Variants in RORA observed in about 807,000 individuals in gnomAD.
RORA encodes the protein nuclear receptor ROR-alpha.
RORA carries 7 observed loss-of-function variants against 69.5 expected under a neutral mutation model. That is an observed-to-expected ratio of 0.10 (90% CI 0.06 to 0.19). The LOEUF (loss-of-function observed/expected upper bound fraction) is 0.19, where lower values mean the gene tolerates loss of function less well. Among genes scored for constraint, RORA ranks in the 10% least tolerant of loss-of-function variants. The pLI, the probability that RORA is intolerant of heterozygous loss-of-function variation, is 1.00. For missense variants in RORA, 457 were observed against 663.0 expected, an observed-to-expected ratio of 0.69 and a Z score of 3.41; for synonymous variants, 261 against 240.8, an observed-to-expected ratio of 1.08 and a Z score of -0.78.
In RORA at chr15:60,501,079, T is replaced by C. The variant is rs773384613; in HGVS notation, c.1184-10A>G. 3 of 1,476,018 alleles carry C rather than the reference T, an allele frequency of 2.0e-6. No individual in the cohort carries two copies. The highest frequency in any genetic ancestry group is 2.3e-5 in the South Asian group (2 of 85,172). 91.4% of individuals were successfully genotyped at this position (1,476,018 alleles called of 1,614,324 possible). A position where few individuals can be genotyped will look rare whatever the true frequency, so the allele number is the denominator to read the frequency against. On this transcript the variant is annotated splice_polypyrimidine_tract_variant and intron_variant, in intron 8 of 10. Coordinates refer to ENST00000335670, the MANE Select transcript of RORA (RefSeq NM_134261.3). ...ATAAAGTCTTCACAACCTGCCAAAA[T>C]GAAAACAAAGACAGTTTAGAATTTT...
intron 9 of RORA, among the ~76,000 whole-genome samples, 188 bp from the exon 10 acceptor site, chr15:60,500,192 G>A (rs1478741391): frequency 1.3e-5 from 2 of 151,812 alleles, no homozygotes; most frequent in Admixed American, 6.6e-5. Flanking sequence ...TATAAAACAG[G>A]GTGTTAAACC....
At chr15:60,728,881 A>C (rs1219286887) in intron 1 of RORA, among the ~76,000 whole-genome samples, 1 of 152,232 alleles carries the variant, frequency 6.6e-6, no homozygotes, top group Non-Finnish European at 1.5e-5. Context: ...AGATTTTTAA[A>C]AACTTTATAC....
At chr15:60,955,303 AAAAC>A (rs774731838) in intron 1 of RORA, among the ~76,000 whole-genome samples, 6 of 152,342 alleles carry the variant, frequency 3.9e-5, no homozygotes, top group Non-Finnish European at 5.9e-5. Context: ...CTCCATCTCA[AAAAC>A]AAACAAACAA....
intron 1 of RORA, among the ~76,000 whole-genome samples, chr15:60,940,922 T>A (rs1595831976): frequency 6.6e-6 from 1 of 152,142 alleles, no homozygotes; most frequent in South Asian, 2.1e-4. Context: ...TGAGACTCTG[T>A]CTCTAAATAA....
chr15:60,922,440 T>C (rs1488691822), intron 1 of RORA, among the ~76,000 whole-genome samples: 2 of 152,206 alleles, frequency 1.3e-5, no homozygotes, highest in African/African-American at 4.8e-5. Context: ...GTAATTTCTG[T>C]TCAATCTTTC....
intron 2 of RORA, among the ~76,000 whole-genome samples, chr15:60,550,183 C>T (rs1423584684): frequency 3.9e-5 from 6 of 152,118 alleles, no homozygotes; most frequent in South Asian, 2.1e-4. Context: ...CCCAGCTACT[C>T]GGGAGGCTGA....
At chr15:60,797,571 G>A (rs1195897315) in intron 1 of RORA, among the ~76,000 whole-genome samples, 1 of 152,104 alleles carries the variant, frequency 6.6e-6, no homozygotes, top group African/African-American at 2.4e-5. Flanking sequence ...ATTAGTTCTG[G>A]CAGAGTTTAC....
chr15:60,825,690 C>T (rs1268606247), intron 1 of RORA, among the ~76,000 whole-genome samples: 1 of 152,190 alleles, frequency 6.6e-6, no homozygotes, highest in East Asian at 1.9e-4. Context: ...GAACTGGTAC[C>T]CCAGCAGCCT....
intron 1 of RORA, among the ~76,000 whole-genome samples, chr15:61,097,940 A>G (rs1314272573): frequency 6.6e-6 from 1 of 152,240 alleles, no homozygotes; most frequent in Non-Finnish European, 1.5e-5. Flanking sequence ...GTCAGAGTCA[A>G]TAACTGCAGG....
intron 1 of RORA, among the ~76,000 whole-genome samples, chr15:60,704,609 G>C (rs999279600): frequency 6.6e-6 from 1 of 152,076 alleles, no homozygotes. Flanking sequence ...AAATATAAAA[G>C]GAAATAAAAT....
chr15:61,039,386 CT>C (rs1422596321), intron 1 of RORA, among the ~76,000 whole-genome samples: 1 of 151,946 alleles, frequency 6.6e-6, no homozygotes, highest in Non-Finnish European at 1.5e-5. Flanking sequence ...TTTCTTTTTT[CT>C]TTTTACTGCA....
At chr15:60,787,122 G>A (rs1396667759) in intron 1 of RORA, among the ~76,000 whole-genome samples, 1 of 152,208 alleles carries the variant, frequency 6.6e-6, no homozygotes, top group Non-Finnish European at 1.5e-5. Flanking sequence ...ATGCTGCAAA[G>A]GTGTAGTCCA....
At chr15:61,191,365 CAAAAA>C (rs55815707) in intron 1 of RORA, among the ~76,000 whole-genome samples, 10 of 136,558 alleles carry the variant, frequency 7.3e-5, no homozygotes, top group Admixed American at 1.5e-4. Flanking sequence ...CTCCTTGTAG[CAAAAA>C]AAAAAAAAAA....
intron 1 of RORA, among the ~76,000 whole-genome samples, chr15:61,191,637 C>T (rs2079801387): frequency 6.6e-6 from 1 of 152,172 alleles, no homozygotes; most frequent in African/African-American, 2.4e-5. Flanking sequence ...GGAATTGAGA[C>T]ACTGACTGCT....
chr15:61,076,405 C>A (rs1239325758), intron 1 of RORA, among the ~76,000 whole-genome samples: 34 of 142,040 alleles, frequency 2.4e-4, no homozygotes, highest in Non-Finnish European at 1.7e-4. Context: ...TTGATCATCT[C>A]AAAAAAAAAA....
Position 60,905,203 on chromosome 15 carries a change from G to C in RORA, c.167-226517C>G, listed in dbSNP as rs1362005860. 6.6e-6 allele frequency among the ~76,000 whole-genome samples: 1 copy of C among 152,140 alleles called. No homozygotes were observed. Among genetic ancestry groups the C allele is most frequent in the East Asian group, 1.9e-4 (1 of 5,192 alleles). On this transcript the variant is annotated intron_variant, in intron 1 of 10. Transcript: ENST00000335670. The surrounding 1 kb of genome is among the most constrained non-coding windows in gnomAD (Gnocchi z 4.8). ...CAGTCTTAGCCCTGTTATCATCTCT[G>C]ATCTTGACCATTTCCCTTAGCCACT...
chr15:60,541,932 A>G (rs141779849), intron 2 of RORA, among the ~76,000 whole-genome samples: 1 of 152,204 alleles, frequency 6.6e-6, no homozygotes, highest in African/African-American at 2.4e-5. Context: ...CCTCTAGTCC[A>G]AGGTGCTTCT....
In RORA at chr15:60,779,076, G is replaced by A. The variant is rs545043992; in HGVS notation, c.167-100390C>T. 4.0e-4 allele frequency among the ~76,000 whole-genome samples: 61 copies of A among 152,270 alleles called. No homozygotes were observed. In the East Asian group the frequency reaches 4.2e-3, roughly 11 times the overall value. On this transcript the variant is annotated intron_variant, in intron 1 of 10. Coordinates refer to ENST00000335670, the MANE Select transcript of RORA (RefSeq NM_134261.3). ...TATGAATTACTCCCATTTTATAGAC[G>A]AGAATGTTTAGGTAGCGAGCATAAA...
chr15:61,225,586 T>A (rs2080138488), intron 1 of RORA, among the ~76,000 whole-genome samples: 1 of 152,206 alleles, frequency 6.6e-6, no homozygotes, highest in Non-Finnish European at 1.5e-5. Flanking sequence ...TCCCATCTTT[T>A]GGTTTCGATT....
Sources: allele counts gnomAD v4.1 joint callset (sites outside exome capture counted in the v4.1 genomes callset), GRCh38; gene constraint gnomAD v4.1.1; non-coding constraint Gnocchi (gnomAD v3.1); transcripts MANE v1.5; gene names NCBI Gene and HGNC (gene_info 2026-07-23, HGNC 2026-07-21).